The following MLLT3 variants were observed in gnomAD, a reference collection of about 807,000 sequenced individuals.
The protein encoded by MLLT3 is MLLT3 super elongation complex subunit, also known as protein AF-9.
In MLLT3, 4 loss-of-function variants were observed where a neutral mutation model predicts 53.2. The observed-to-expected ratio is 0.08, with a 90% CI of 0.04 to 0.17. The LOEUF (loss-of-function observed/expected upper bound fraction) is 0.17, where lower values mean the gene tolerates loss of function less well. Ranked by LOEUF, MLLT3 falls within the 10% of genes least tolerant of loss-of-function variation. The pLI is 1.00. For missense variants in MLLT3, 569 were observed against 684.0 expected (o/e 0.83, Z 1.87); for synonymous variants, 283 against 230.6 (o/e 1.23, Z -2.06).
chr9:20,613,383 T>C (rs1422350432), intron 2 of MLLT3, among the ~76,000 whole-genome samples: 1 of 152,208 alleles, frequency 6.6e-6, no homozygotes, highest in African/African-American at 2.4e-5. Flanking sequence ...AAGCAACATA[T>C]ATGTGCAAAA....
At chr9:20,482,527 A>G (rs1824689336) in intron 2 of MLLT3, among the ~76,000 whole-genome samples, 3 of 152,328 alleles carry the variant, frequency 2.0e-5, no homozygotes, top group South Asian at 4.1e-4. Context: ...AAAATCAATT[A>G]AGATCTTTAA....
intron 4 of MLLT3, among the ~76,000 whole-genome samples, chr9:20,432,468 A>C (rs1227422429): frequency 6.6e-6 from 1 of 152,168 alleles, no homozygotes; most frequent in African/African-American, 2.4e-5. Context: ...TGGAAGTATT[A>C]TATTGCTGGT....
intron 5 of MLLT3, among the ~76,000 whole-genome samples, chr9:20,367,038 G>C (rs929280778): frequency 2.0e-5 from 3 of 152,188 alleles, no homozygotes; most frequent in African/African-American, 7.2e-5. Context: ...CACAAATGGA[G>C]GCCAATATTC....
chr9:20,498,912 T>C (rs748739394), intron 2 of MLLT3, among the ~76,000 whole-genome samples: 2 of 152,240 alleles, frequency 1.3e-5, no homozygotes, highest in African/African-American at 4.8e-5. Flanking sequence ...CCTAGGGCTA[T>C]TGTAACAAAA....
At chr9:20,479,024 TAA>T (rs1824596883) in intron 2 of MLLT3, among the ~76,000 whole-genome samples, 2 of 152,104 alleles carry the variant, frequency 1.3e-5, no homozygotes, top group Non-Finnish European at 2.9e-5. Flanking sequence ...GGCTCTCAAT[TAA>T]AGAGATCTTG....
intron 4 of MLLT3, among the ~76,000 whole-genome samples, chr9:20,428,138 A>T (rs1298617493): frequency 6.6e-6 from 1 of 152,074 alleles, no homozygotes; most frequent in Non-Finnish European, 1.5e-5. Context: ...AAAAACCCTA[A>T]ATCAGACTTA....
intron 2 of MLLT3, among the ~76,000 whole-genome samples, chr9:20,518,252 G>A (rs1454852810): frequency 1.3e-5 from 2 of 152,030 alleles, no homozygotes; most frequent in East Asian, 1.9e-4. Context: ...GGCTGAGGCA[G>A]GAGAAATCAC....
At chr9:20,563,482 A>G (rs945388058) in intron 2 of MLLT3, among the ~76,000 whole-genome samples, 13 of 152,090 alleles carry the variant, frequency 8.5e-5, no homozygotes, top group Admixed American at 1.3e-4. Flanking sequence ...AAACCAGGCT[A>G]AATACATTTC....
At position 20,621,758 on chromosome 9, in the gene MLLT3, C is replaced by T. The variant is rs899317894; in HGVS notation, c.12+487G>A. On this transcript the variant is annotated intron_variant, in intron 1 of 10. Transcript: ENST00000380338. This position sits in a 1 kb window ranked among gnomAD's most constrained non-coding sequence, Gnocchi z 7.0. ...GCACACTTCGGCTCACACACGCGCG[C>T]CGCGGAGAACGCACCATCGTAGCGG... is the stretch of plus-strand genomic sequence containing the variant. The T allele has an allele frequency of 1.3e-6, 2 of 1,488,126 alleles. No individual in the cohort carries two copies. The highest frequency in any genetic ancestry group is 5.7e-5 in the East Asian group (2 of 35,004). The allele number at this position is 1,488,126 out of a possible 1,614,324, so 92.2% of individuals were successfully genotyped here.
At chr9:20,604,421 T>C (rs1209357159) in intron 2 of MLLT3, among the ~76,000 whole-genome samples, 2 of 73,422 alleles carry the variant, frequency 2.7e-5, no homozygotes, top group Non-Finnish European at 6.8e-5. Context: ...AAGTCTAACT[T>C]TAAACAGTCT....
intron 2 of MLLT3, among the ~76,000 whole-genome samples, chr9:20,582,472 A>G (rs941280010): frequency 1.3e-5 from 2 of 152,222 alleles, no homozygotes; most frequent in Non-Finnish European, 2.9e-5. Flanking sequence ...TCAGAATGTT[A>G]TAAAATTGAA....
chr9:20,508,000 A>G (rs1033259106), intron 2 of MLLT3, among the ~76,000 whole-genome samples: 7 of 152,196 alleles, frequency 4.6e-5, no homozygotes, highest in African/African-American at 1.7e-4. Context: ...TTAATTCAAT[A>G]ACATTAAGAT....
At chr9:20,504,059 C>A (rs1426944752) in intron 2 of MLLT3, among the ~76,000 whole-genome samples, 1 of 151,892 alleles carries the variant, frequency 6.6e-6, no homozygotes, top group Non-Finnish European at 1.5e-5. Context: ...TAGATTTTTG[C>A]AAGGATATAG....
At chr9:20,386,037 G>C (rs1822027888) in intron 5 of MLLT3, among the ~76,000 whole-genome samples, 1 of 152,092 alleles carries the variant, frequency 6.6e-6, no homozygotes, top group Admixed American at 6.6e-5. Flanking sequence ...TTGTCCCTTA[G>C]GTTGAAACTG....
chr9:20,365,213 C>A (rs1394947511), intron 6 of MLLT3, among the ~76,000 whole-genome samples: 2 of 152,158 alleles, frequency 1.3e-5, no homozygotes, highest in African/African-American at 2.4e-5. Flanking sequence ...CCTCGTACAT[C>A]AGAACAATAC....
At chr9:20,348,347 C>A (rs968833457) in intron 10 of MLLT3, among the ~76,000 whole-genome samples, 2 of 152,188 alleles carry the variant, frequency 1.3e-5, no homozygotes, top group South Asian at 4.1e-4. Flanking sequence ...TTTGTCAGAA[C>A]TCACTGTTTT....
At chr9:20,353,466 G>T (rs996520250) in intron 10 of MLLT3, 59 bp downstream of exon 10, 1 of 1,451,102 alleles carries the variant, frequency 6.9e-7, no homozygotes. Context: ...TCACACTACT[G>T]CAGGACAAAC....
At chr9:20,356,279 G>A (rs2118617301) in intron 8 of MLLT3, among the ~76,000 whole-genome samples, 1 of 152,140 alleles carries the variant, frequency 6.6e-6, no homozygotes, top group South Asian at 2.1e-4. Context: ...ATAACCAAAT[G>A]ACTAATTTGA....
At chr9:20,583,996 TG>T (rs765935297) in intron 2 of MLLT3, among the ~76,000 whole-genome samples, 19 of 152,222 alleles carry the variant, frequency 1.2e-4, no homozygotes, top group Non-Finnish European at 2.4e-4. Flanking sequence ...TGCAAATTTT[TG>T]AAACTTCTAT....
Sources: allele counts gnomAD v4.1 joint callset (sites outside exome capture counted in the v4.1 genomes callset), GRCh38; gene constraint gnomAD v4.1.1; non-coding constraint Gnocchi (gnomAD v3.1); transcripts MANE v1.5; gene names NCBI Gene and HGNC (gene_info 2026-07-23, HGNC 2026-07-21).